Variants in CDH18 observed in about 807,000 individuals in gnomAD.
CDH18 encodes cadherin 18, also known as cadherin-18.
A neutral mutation model predicts 67.9 loss-of-function variants in CDH18; 31 were observed. That is an observed-to-expected ratio of 0.46 (90% CI 0.34 to 0.62). The LOEUF (loss-of-function observed/expected upper bound fraction) is 0.62, where lower values mean the gene tolerates loss of function less well. CDH18 is among the 20% of genes least tolerant of loss of function. CDH18 has a pLI of 0.01. For missense variants in CDH18, 890 were observed against 975.5 expected, an observed-to-expected ratio of 0.91 and a Z score of 1.17; for synonymous variants, 362 against 347.2, an observed-to-expected ratio of 1.04 and a Z score of -0.48.
At chr5:20,097,197 T>C (rs1272436415) in intron 2 of CDH18, among the ~76,000 whole-genome samples, 1 of 152,128 alleles carries the variant, frequency 6.6e-6, no homozygotes, top group Non-Finnish European at 1.5e-5. Context: ...CACTAGCTCA[T>C]CCCCAGTTCC....
At chr5:19,550,626 G>T (rs1737255475) in intron 8 of CDH18, among the ~76,000 whole-genome samples, 1 of 152,158 alleles carries the variant, frequency 6.6e-6, no homozygotes, top group Non-Finnish European at 1.5e-5. Context: ...GTATTCCATG[G>T]AGTATATGTG....
intron 1 of CDH18, among the ~76,000 whole-genome samples, chr5:20,548,393 C>A (rs1632776): frequency 0.45 from 68,307 of 150,952 alleles, 15,734 homozygotes; most frequent in East Asian, 0.57. Flanking sequence ...GATACTTATT[C>A]AGGAAGTAAA....
intron 2 of CDH18, among the ~76,000 whole-genome samples, chr5:20,200,401 T>C (rs1017751466): frequency 6.6e-6 from 1 of 152,122 alleles, no homozygotes; most frequent in African/African-American, 2.4e-5. Context: ...TGGTTGGGTG[T>C]CGTGGCTCAC....
intron 1 of CDH18, among the ~76,000 whole-genome samples, chr5:20,326,731 C>T (rs926435816): frequency 1.3e-5 from 2 of 151,942 alleles, no homozygotes; most frequent in South Asian, 4.2e-4. Context: ...TTAGTAAAGA[C>T]AGGGTTTCAC....
intron 2 of CDH18, among the ~76,000 whole-genome samples, chr5:20,249,620 T>A (rs1014392589): frequency 2.0e-5 from 3 of 152,134 alleles, no homozygotes; most frequent in African/African-American, 4.8e-5. Context: ...TCCGCCCGCC[T>A]CGGCCTCCCA....
At chr5:19,522,605 G>C (rs1227433963) in intron 9 of CDH18, among the ~76,000 whole-genome samples, 1 of 152,002 alleles carries the variant, frequency 6.6e-6, no homozygotes, top group Non-Finnish European at 1.5e-5. Context: ...GAATAAAGCA[G>C]AATTGCACGC....
intron 2 of CDH18, among the ~76,000 whole-genome samples, chr5:19,870,448 CTTAA>C (rs1215284880): frequency 6.6e-6 from 1 of 152,068 alleles, no homozygotes; most frequent in African/African-American, 2.4e-5. Context: ...TATGAGTGCA[CTTAA>C]TGTCACCTTT....
chr5:19,787,033 A>G (rs1775869424), intron 3 of CDH18, among the ~76,000 whole-genome samples: 1 of 152,164 alleles, frequency 6.6e-6, no homozygotes, highest in Admixed American at 6.5e-5. Context: ...AGAAACTGAT[A>G]CAACTAGAAG....
At chr5:19,580,566 G>A (rs990421157) in intron 7 of CDH18, among the ~76,000 whole-genome samples, 1 of 151,686 alleles carries the variant, frequency 6.6e-6, no homozygotes, top group Non-Finnish European at 1.5e-5. Flanking sequence ...TAGATTTGAT[G>A]GATAAAAAAT....
At chr5:19,569,047 G>T (rs966014543) in intron 8 of CDH18, among the ~76,000 whole-genome samples, 1 of 152,044 alleles carries the variant, frequency 6.6e-6, no homozygotes, top group African/African-American at 2.4e-5. Flanking sequence ...CCTTTCACTT[G>T]ATTTTAAATA....
intron 3 of CDH18, among the ~76,000 whole-genome samples, chr5:19,770,917 A>T (rs1773659880): frequency 6.6e-6 from 1 of 152,222 alleles, no homozygotes; most frequent in South Asian, 2.1e-4. Flanking sequence ...ATATACAAGG[A>T]CATGGGCTTA....
At chr5:19,698,267 C>T (rs1762789766) in intron 5 of CDH18, among the ~76,000 whole-genome samples, 1 of 152,040 alleles carries the variant, frequency 6.6e-6, no homozygotes, top group Admixed American at 6.6e-5. Context: ...TTTCTTTCAT[C>T]TATTTTTATG....
chr5:19,630,591 C>A (rs1580596696), intron 5 of CDH18, among the ~76,000 whole-genome samples: 1 of 152,022 alleles, frequency 6.6e-6, no homozygotes, highest in Admixed American at 6.6e-5. Context: ...CAGGCCAAGG[C>A]CTTGCTTCGC....
intron 3 of CDH18, among the ~76,000 whole-genome samples, chr5:19,814,408 C>A (rs960525623): frequency 3.3e-5 from 5 of 151,864 alleles, no homozygotes; most frequent in African/African-American, 1.2e-4. Flanking sequence ...CATACAAATG[C>A]AATATACACA....
At chr5:19,984,956 A>G (rs1393568758) in intron 1 of CDH18, among the ~76,000 whole-genome samples, 1 of 152,140 alleles carries the variant, frequency 6.6e-6, no homozygotes, top group African/African-American at 2.4e-5. Flanking sequence ...CTCCCTCCCT[A>G]CAACCCACAC....
At chr5:20,014,802 G>A (rs914070468) in intron 2 of CDH18, among the ~76,000 whole-genome samples, 1 of 152,066 alleles carries the variant, frequency 6.6e-6, no homozygotes, top group Non-Finnish European at 1.5e-5. Context: ...AAGCATATAA[G>A]CATTAAATGA....
At chr5:20,192,264 ATGGGTAGAT>A (rs1276043828) in intron 2 of CDH18, among the ~76,000 whole-genome samples, 1 of 150,976 alleles carries the variant, frequency 6.6e-6, no homozygotes, top group Non-Finnish European at 1.5e-5. Context: ...TCTTTGTCAT[ATGGGTAGAT>A]TGCAAAATTT....
At chr5:20,092,238 C>T (rs1356562934) in intron 2 of CDH18, among the ~76,000 whole-genome samples, 1 of 152,034 alleles carries the variant, frequency 6.6e-6, no homozygotes, top group African/African-American at 2.4e-5. Flanking sequence ...TGACTCAATG[C>T]AAAATAAGCT....
intron 1 of CDH18, among the ~76,000 whole-genome samples, chr5:20,303,866 G>A (rs1736170625): frequency 6.6e-6 from 1 of 152,208 alleles, no homozygotes; most frequent in Non-Finnish European, 1.5e-5. Context: ...TAAGAAGGGA[G>A]AGTGCGGTTT....
Sources: allele counts gnomAD v4.1 joint callset (sites outside exome capture counted in the v4.1 genomes callset), GRCh38; gene constraint gnomAD v4.1.1; transcripts MANE v1.5; gene names NCBI Gene and HGNC (gene_info 2026-07-23, HGNC 2026-07-21).